The following FOCAD variants were observed in gnomAD, a reference collection of about 807,000 sequenced individuals.
FOCAD encodes focadhesin.
A neutral mutation model predicts 225.6 loss-of-function variants in FOCAD; 198 were observed. The observed-to-expected ratio is 0.88, with a 90% CI of 0.78 to 0.99. The LOEUF (loss-of-function observed/expected upper bound fraction) is 0.99, where lower values mean the gene tolerates loss of function less well. Ranked by LOEUF, FOCAD falls within the 50% of genes least tolerant of loss-of-function variation. The pLI, the probability that FOCAD is intolerant of heterozygous loss-of-function variation, is 0.00. For missense variants in FOCAD, 2,713 were observed against 2,123.6 expected (o/e 1.28, Z -5.46); for synonymous variants, 897 against 755.0 (o/e 1.19, Z -3.08).
intron 10 of FOCAD, among the ~76,000 whole-genome samples, chr9:20,782,351 C>G (rs537977967): frequency 6.6e-6 from 1 of 152,258 alleles, no homozygotes; most frequent in South Asian, 2.1e-4. Context: ...TCAGTAAGAA[C>G]TAAAACTTCT....
At chr9:20,869,918 AAGAT>A (rs1262495725) in intron 18 of FOCAD, among the ~76,000 whole-genome samples, 3 of 152,170 alleles carry the variant, frequency 2.0e-5, no homozygotes, top group African/African-American at 7.2e-5. Flanking sequence ...GTCATGTTGA[AAGAT>A]AGATAAGAAT....
chr9:20,991,648 A>T (rs909066047), intron 42 of FOCAD, among the ~76,000 whole-genome samples: 1 of 152,024 alleles, frequency 6.6e-6, no homozygotes, highest in Non-Finnish European at 1.5e-5. Context: ...CCCTGTCTCT[A>T]CTAAAAATGC....
chr9:20,721,336 A>G (rs1825751447), intron 4 of FOCAD, among the ~76,000 whole-genome samples: 3 of 152,022 alleles, frequency 2.0e-5, no homozygotes, highest in Admixed American at 2.0e-4. Flanking sequence ...CCTTTATTAT[A>G]GTATCATCGG....
In FOCAD at chr9:20,944,728, C is replaced by G; in HGVS notation, c.3509C>G (p.Ser1170Cys). Residue 1170 changes from serine (S) to cysteine (C), a missense_variant, in exon 29 of 44, where the codon TCT (serine) becomes TGT (cysteine). By Grantham distance (112) the Ser-to-Cys change is moderately radical. Transcript: ENST00000338382. ...VHVAALLRKL[S>C]AHVDDSGSQS... is the part of the protein sequence containing the mutation. ...GTAGCAGCATTGCTCCGGAAGCTGT[C>G]TGCGCACGTAGATGACAGCGGGAGC... 1 of 1,614,040 alleles carries G rather than the reference C, an allele frequency of 6.2e-7. No individual in the cohort carries two copies. Among genetic ancestry groups the G allele is most frequent in the Non-Finnish European group, 8.5e-7 (1 of 1,179,944 alleles).
intron 5 of FOCAD, among the ~76,000 whole-genome samples, chr9:20,749,245 C>A (rs10738566): frequency 0.84 from 127,478 of 152,076 alleles, 53,534 homozygotes; most frequent in Admixed American, 0.9. Flanking sequence ...TATATTTTCA[C>A]AGAAAGGAAT....
chr9:20,934,383 A>G (rs888170586), intron 28 of FOCAD, among the ~76,000 whole-genome samples: 5 of 152,124 alleles, frequency 3.3e-5, no homozygotes, highest in East Asian at 1.9e-4. Flanking sequence ...TGATTTTTGG[A>G]TAAGGTGAGA....
chr9:20,878,407 A>G (rs943193157), intron 19 of FOCAD, among the ~76,000 whole-genome samples: 2 of 152,146 alleles, frequency 1.3e-5, no homozygotes, highest in African/African-American at 4.8e-5. Context: ...TCCATCTGAA[A>G]GTCTAGTTAT....
chr9:20,910,252 T>C (rs1463398667), intron 22 of FOCAD, among the ~76,000 whole-genome samples: 5 of 152,218 alleles, frequency 3.3e-5, no homozygotes, highest in African/African-American at 1.2e-4. Flanking sequence ...AGTCTTTATC[T>C]TGTTACCCTT....
At chr9:20,696,927 C>T (rs895253194) in intron 1 of FOCAD, among the ~76,000 whole-genome samples, 2 of 152,274 alleles carry the variant, frequency 1.3e-5, no homozygotes, top group East Asian at 1.9e-4. Flanking sequence ...ATGTAAAAGT[C>T]GGTCCTCTCC....
intron 28 of FOCAD, among the ~76,000 whole-genome samples, chr9:20,940,901 G>C (rs1308131930): frequency 6.6e-6 from 1 of 152,136 alleles, no homozygotes; most frequent in Non-Finnish European, 1.5e-5. Context: ...GCAGTTTGAT[G>C]CTGGACAGTA....
chr9:20,945,198 G>C (rs975906645), intron 29 of FOCAD, among the ~76,000 whole-genome samples: 2 of 151,686 alleles, frequency 1.3e-5, no homozygotes, highest in African/African-American at 4.9e-5. Flanking sequence ...AAATATTATT[G>C]AGAAAATTCG....
intron 34 of FOCAD, among the ~76,000 whole-genome samples, chr9:20,952,127 G>A (rs752644578): frequency 5.9e-5 from 9 of 152,242 alleles, no homozygotes; most frequent in Non-Finnish European, 1.0e-4. Context: ...TGAAGGGCAG[G>A]GATCTCACAG....
chr9:20,895,941 C>T (rs1018730693), intron 21 of FOCAD, among the ~76,000 whole-genome samples: 1 of 151,976 alleles, frequency 6.6e-6, no homozygotes, highest in Admixed American at 6.6e-5. Context: ...ACATCCTTGC[C>T]TTGCTCCTGA....
Position 20,855,611 on chromosome 9 carries a change from A to G in FOCAD, c.1921-6967A>G, listed in dbSNP as rs148865399. Among the ~76,000 whole-genome samples, 391 of 151,756 alleles carry G rather than the reference A, an allele frequency of 2.6e-3. 3 individuals are homozygous for G. Among genetic ancestry groups the G allele is most frequent in the Admixed American group, 4.0e-3 (61 of 15,188 alleles). On this transcript the variant is annotated intron_variant, in intron 15 of 43. Coordinates refer to ENST00000338382, the MANE Select transcript of FOCAD (RefSeq NM_001375567.1). Reference sequence around the variant, plus strand: ...ATTTATCTGTGTTTGAAACATTTCAATTATAGTCTCTTAGTTATTTGAAAA... The same window carrying G: ...ATTTATCTGTGTTTGAAACATTTCAGTTATAGTCTCTTAGTTATTTGAAAA...
chr9:20,701,343 T>G (rs1823926795), intron 1 of FOCAD, among the ~76,000 whole-genome samples: 1 of 152,230 alleles, frequency 6.6e-6, no homozygotes, highest in Admixed American at 6.5e-5. Context: ...CAAATTTCCC[T>G]GTCTCATTGA....
chr9:20,810,439 A>G (rs909059062), intron 11 of FOCAD, among the ~76,000 whole-genome samples: 3 of 152,128 alleles, frequency 2.0e-5, no homozygotes, highest in Non-Finnish European at 1.5e-5. Flanking sequence ...TACTTATAGG[A>G]CATTGGCTTT....
chr9:20,871,248 G>A (rs1401400556), intron 18 of FOCAD, among the ~76,000 whole-genome samples: 1 of 151,954 alleles, frequency 6.6e-6, no homozygotes, highest in South Asian at 2.1e-4. Context: ...TTCCATTTAA[G>A]TTTTTTAACA....
chr9:20,679,115 CTGTGTATGTGTG>C (rs1822319987), intron 2 of FOCAD, among the ~76,000 whole-genome samples: 1 of 92,964 alleles, frequency 1.1e-5, no homozygotes, highest in African/African-American at 4.1e-5. Context: ...AACAGACAGT[CTGTGTATGTGTG>C]TGTGTGTGTG....
intron 43 of FOCAD, 62 bp downstream of exon 43, chr9:20,993,390 A>T: frequency 7.3e-7 from 1 of 1,374,930 alleles, no homozygotes; most frequent in Non-Finnish European, 1.0e-6. Context: ...TCTGTGGAGC[A>T]GAATGGCATT....
Sources: allele counts gnomAD v4.1 joint callset (sites outside exome capture counted in the v4.1 genomes callset), GRCh38; gene constraint gnomAD v4.1.1; transcripts MANE v1.5; gene names NCBI Gene and HGNC (gene_info 2026-07-23, HGNC 2026-07-21).